Variants in ARHGAP39 observed in about 807,000 individuals in gnomAD.
The protein encoded by ARHGAP39 is rho GTPase-activating protein 39.
A neutral mutation model predicts 106.9 loss-of-function variants in ARHGAP39; 44 were observed. That is an observed-to-expected ratio of 0.41 (90% CI 0.32 to 0.53). The LOEUF (loss-of-function observed/expected upper bound fraction) is 0.53. Ranked by LOEUF, ARHGAP39 falls within the 20% of genes least tolerant of loss-of-function variation. The pLI is 0.21. For missense variants in ARHGAP39, 1,496 were observed against 1,577.3 expected, an observed-to-expected ratio of 0.95 and a Z score of 0.87; for synonymous variants, 768 against 693.2, an observed-to-expected ratio of 1.11 and a Z score of -1.69.
In ARHGAP39 at chr8:144,548,126, G is replaced by A; in HGVS notation, c.960C>T (p.Tyr320=). Residue 320 remains tyrosine (Y), a synonymous_variant, in exon 5 of 12, where the codon TAC becomes TAT. Coordinates refer to ENST00000377307, the MANE Select transcript of ARHGAP39 (RefSeq NM_025251.3). This position sits in a 1 kb window ranked among gnomAD's most constrained non-coding sequence, Gnocchi z 7.4. The part of the protein sequence containing the change: ...PPLYEEPPVE[Y]QAPIYDEPPM... ...GGGGCTCATCGTAGATGGGGGCCTG[G>A]TACTCCACTGGGGGCTCCTCGTAGA... The A allele has an allele frequency of 6.3e-7, 1 of 1,580,264 alleles. No homozygotes were observed. Among genetic ancestry groups the A allele is most frequent in the Non-Finnish European group, 8.6e-7 (1 of 1,163,234 alleles).
At chr8:144,621,489 C>T (rs1366431893) in intron 1 of ARHGAP39, among the ~76,000 whole-genome samples, 3 of 152,074 alleles carry the variant, frequency 2.0e-5, no homozygotes, top group African/African-American at 4.8e-5. Context: ...AGGCAAGAGG[C>T]GGGAAGGGCT....
intron 1 of ARHGAP39, among the ~76,000 whole-genome samples, chr8:144,672,796 T>C (rs1175554365): frequency 6.6e-6 from 1 of 152,232 alleles, no homozygotes; most frequent in Non-Finnish European, 1.5e-5. Flanking sequence ...GCATCTTATC[T>C]GCAGATAAGA....
At chr8:144,532,977 C>T (rs1230518663) in intron 9 of ARHGAP39, 149 bp downstream of exon 9, 1 of 995,120 alleles carries the variant, frequency 1.0e-6, no homozygotes, top group Non-Finnish European at 1.5e-6. Flanking sequence ...TCAGCTTCCA[C>T]ACTGTGGCCC....
chr8:144,696,142 A>G, the ARHGAP39 span, among the ~76,000 whole-genome samples: 17 of 151,906 alleles, frequency 1.1e-4, no homozygotes, highest in African/African-American at 3.9e-4. Context: ...TTCTTGCCCC[A>G]GTTAAATTTT....
intron 3 of ARHGAP39, among the ~76,000 whole-genome samples, chr8:144,559,508 C>A (rs968638329): frequency 9.2e-5 from 14 of 151,972 alleles, no homozygotes; most frequent in Admixed American, 2.0e-4. Flanking sequence ...TTGTACACAG[C>A]AAGTAGGCTG....
chr8:144,667,866 C>T (rs1219509863), intron 1 of ARHGAP39, among the ~76,000 whole-genome samples: 3 of 152,216 alleles, frequency 2.0e-5, no homozygotes, highest in Admixed American at 6.5e-5. Context: ...ATTACAGTAA[C>T]AATGCCAACA....
chr8:144,618,836 C>T lies in ARHGAP39; in HGVS notation c.-81-13141G>A, dbSNP rs1162173025. Among the ~76,000 whole-genome samples, 9 of 152,260 alleles carry T rather than the reference C, an allele frequency of 5.9e-5. No individual in the cohort carries two copies. In the South Asian group the frequency reaches 6.2e-4, roughly 10 times the overall value. On this transcript the variant is annotated intron_variant, in intron 1 of 11. Transcript: ENST00000377307. ...CCTACCTCCTCCCGAGGCCCTGTGG[C>T]GTGGCGTGAGCAGGACCGCGGGCGC...
intron 1 of ARHGAP39, among the ~76,000 whole-genome samples, chr8:144,607,235 C>CAAAAA (rs1167793437): frequency 5.9e-5 from 3 of 50,686 alleles, no homozygotes; most frequent in African/African-American, 6.9e-5. Flanking sequence ...GACATTGTCT[C>CAAAAA]AAAAAAAAAA....
intron 2 of ARHGAP39, among the ~76,000 whole-genome samples, chr8:144,598,516 G>A (rs189465574): frequency 2.4e-3 from 367 of 152,348 alleles, no homozygotes; most frequent in African/African-American, 8.2e-3. Flanking sequence ...TACAGAGCCC[G>A]GGGCATGAGA....
chr8:144,548,104 G>A lies in ARHGAP39; in HGVS notation c.982C>T (p.Pro328Ser). The change falls in exon 5 of 12, where the codon CCC (proline) becomes TCC (serine). Residue 328 changes from proline to serine, a missense_variant. Coordinates refer to ENST00000377307, the MANE Select transcript of ARHGAP39 (RefSeq NM_025251.3). This position sits in a 1 kb window ranked among gnomAD's most constrained non-coding sequence, Gnocchi z 7.4. ...GCCTCGAATTGCACGTCCATGGGGG[G>A]CTCATCGTAGATGGGGGCCTGGTAC... ...VEYQAPIYDE[P>S]PMDVQFEAGG... The A allele has an allele frequency of 1.3e-6, 2 of 1,587,180 alleles. No homozygotes were observed. Among genetic ancestry groups the A allele is most frequent in the Non-Finnish European group, 1.7e-6 (2 of 1,167,100 alleles).
chr8:144,602,967 G>A (rs558119501), intron 2 of ARHGAP39, among the ~76,000 whole-genome samples: 19 of 141,120 alleles, frequency 1.3e-4, no homozygotes, highest in Middle Eastern at 4.1e-3. Context: ...GGAGGCGTGC[G>A]TGCGAGCTCG....
At chr8:144,642,331 C>T (rs1256217296) in intron 1 of ARHGAP39, among the ~76,000 whole-genome samples, 1 of 151,908 alleles carries the variant, frequency 6.6e-6, no homozygotes, top group Non-Finnish European at 1.5e-5. Flanking sequence ...ACTAAAAATA[C>T]AAAATATTAG....
chr8:144,662,570 C>T (rs1014895022), intron 1 of ARHGAP39, among the ~76,000 whole-genome samples: 1 of 150,692 alleles, frequency 6.6e-6, no homozygotes, highest in Non-Finnish European at 1.5e-5. Flanking sequence ...ACCGCTCCCC[C>T]TCCCACTTAT....
Position 144,537,763 on chromosome 8 carries a change from T to G in ARHGAP39, c.2572A>C (p.Lys858Gln), listed in dbSNP as rs779000559. The change falls in exon 7 of 12, where the codon AAA (lysine) becomes CAA (glutamine). Residue 858 changes from lysine to glutamine, a missense_variant. By Grantham distance (53) the Lys-to-Gln change is moderately conservative. Transcript: ENST00000377307. ...LLERNTKKKSKLRKKPKPYVE... is the reference protein window; with the variant it reads ...LLERNTKKKSQLRKKPKPYVE... ...TAAGGCTTGGGTTTCTTTCTCAATT[T>G]GGACTTCTTCTTAGTGTTTCTTTCC... 20 of 1,614,152 alleles carry G rather than the reference T, an allele frequency of 1.2e-5. No individual in the cohort carries two copies. The South Asian group carries it at 2.2e-4, about 18-fold the overall frequency.
Position 144,547,960 on chromosome 8 carries a change from G to C in ARHGAP39, c.1126C>G (p.Gln376Glu). 2 of 1,402,212 alleles carry C rather than the reference G, an allele frequency of 1.4e-6. No individual in the cohort carries two copies. Among genetic ancestry groups the C allele is most frequent in the Non-Finnish European group, 2.0e-6 (2 of 999,380 alleles). The allele number at this position is 1,402,212 out of a possible 1,614,324, so 86.9% of individuals were successfully genotyped here. The change falls in exon 5 of 12, where the codon CAG becomes GAG. Residue 376 changes from glutamine to glutamate, a missense_variant. By Grantham distance (29) the Gln-to-Glu change is conservative (BLOSUM62 2). Transcript: ENST00000377307. This position sits in a 1 kb window ranked among gnomAD's most constrained non-coding sequence, Gnocchi z 5.2. ...CTCAGGAAGCGCTCGGGACACTTCTGCTTGGTGAGCACCAGCTGCTGGCAG... is the reference window on the plus strand; with the variant it reads ...CTCAGGAAGCGCTCGGGACACTTCTCCTTGGTGAGCACCAGCTGCTGGCAG... ...SPCQQLVLTK[Q>E]KCPERFLSLE...
At chr8:144,629,119 T>G (rs936549286) in intron 1 of ARHGAP39, among the ~76,000 whole-genome samples, 2 of 152,216 alleles carry the variant, frequency 1.3e-5, no homozygotes, top group East Asian at 3.8e-4. Flanking sequence ...GTTCACAAAG[T>G]GCACAGAATG....
At position 144,590,517 on chromosome 8, in the gene ARHGAP39, C is replaced by A. The variant is rs574202746; in HGVS notation, c.81-9240G>T. Among the ~76,000 whole-genome samples the A allele has an allele frequency of 2.0e-4, 30 of 152,068 alleles. 1 individual carries two copies. In the South Asian group the frequency reaches 6.2e-3, roughly 32 times the overall value. On this transcript the variant is annotated intron_variant, in intron 2 of 11. Transcript: ENST00000377307. ...TGATCAGAAGCTTCCTGAGGCCTCC[C>A]CAGAAGCTGAGCAGATGCTGGCGCC...
intron 3 of ARHGAP39, among the ~76,000 whole-genome samples, chr8:144,567,494 C>A (rs1228481159): frequency 6.6e-6 from 1 of 152,122 alleles, no homozygotes; most frequent in Non-Finnish European, 1.5e-5. Flanking sequence ...AAGGGAGTCT[C>A]CCTTTCCCGG....
At chr8:144,608,396 T>C (rs1371446187) in intron 1 of ARHGAP39, among the ~76,000 whole-genome samples, 1 of 152,090 alleles carries the variant, frequency 6.6e-6, no homozygotes, top group Non-Finnish European at 1.5e-5. Flanking sequence ...CATCCTTCCA[T>C]CATGGGTTCC....
Sources: allele counts gnomAD v4.1 joint callset (sites outside exome capture counted in the v4.1 genomes callset), GRCh38; gene constraint gnomAD v4.1.1; non-coding constraint Gnocchi (gnomAD v3.1); transcripts MANE v1.5; gene names NCBI Gene and HGNC (gene_info 2026-07-23, HGNC 2026-07-21).